The following PRKCB variants were observed in gnomAD, a reference collection of about 807,000 sequenced individuals.
PRKCB encodes the protein protein kinase C beta type.
A neutral mutation model predicts 81.5 loss-of-function variants in PRKCB; 13 were observed. The ratio of observed to expected loss-of-function variants is 0.16; its 90% CI spans 0.10 to 0.25. The LOEUF is 0.25. Among genes scored for constraint, PRKCB ranks in the 10% least tolerant of loss-of-function variants. PRKCB has a pLI of 1.00. For synonymous variants in PRKCB, 335 were observed against 321.4 expected (o/e 1.04, Z -0.45); for missense variants, 509 against 875.7 (o/e 0.58, Z 5.29).
At chr16:24,026,916 C>A (rs1169547794) in intron 3 of PRKCB, among the ~76,000 whole-genome samples, 1 of 152,240 alleles carries the variant, frequency 6.6e-6, no homozygotes, top group Non-Finnish European at 1.5e-5. Context: ...ATTAAATCAA[C>A]TCTGCCTCCT....
rs150863362 is a variant in PRKCB at position 23,870,903 on chromosome 16, C to T, written c.205+33497C>T. Among the ~76,000 whole-genome samples the T allele has an allele frequency of 1.2e-4, 19 of 152,290 alleles. No individual in the cohort carries two copies. In the East Asian group the frequency reaches 3.3e-3, roughly 26 times the overall value. Reference sequence around the variant, plus strand: ...GGTCAGCTAGCAGGTTATCTGGGGCCTGATTGGTCTAGGATGGCTTCACTT... The same window carrying T: ...GGTCAGCTAGCAGGTTATCTGGGGCTTGATTGGTCTAGGATGGCTTCACTT... On this transcript the variant is annotated intron_variant, in intron 2 of 16. Coordinates refer to ENST00000643927, the MANE Select transcript of PRKCB (RefSeq NM_002738.7).
intron 5 of PRKCB, among the ~76,000 whole-genome samples, chr16:24,047,305 G>A (rs749693842): frequency 6.6e-5 from 10 of 152,168 alleles, no homozygotes; most frequent in Non-Finnish European, 1.0e-4. Context: ...TTGTGCCACC[G>A]CACTCCAGCC....
chr16:24,016,682 GA>G (rs11339031), intron 3 of PRKCB, among the ~76,000 whole-genome samples: 8,146 of 152,108 alleles, frequency 0.054, 287 homozygotes, highest in African/African-American at 0.098. Flanking sequence ...GTTTATGGGG[GA>G]AAAAATCTTT....
chr16:24,143,977 TC>T (rs1470556835), intron 9 of PRKCB, among the ~76,000 whole-genome samples: 2 of 152,224 alleles, frequency 1.3e-5, no homozygotes, highest in African/African-American at 4.8e-5. Context: ...TGTTCAAACA[TC>T]CATGCAAAAC....
At chr16:24,100,335 G>A (rs190335515) in intron 7 of PRKCB, among the ~76,000 whole-genome samples, 8 of 152,216 alleles carry the variant, frequency 5.3e-5, no homozygotes, top group East Asian at 1.9e-4. Context: ...CTAAACCAGC[G>A]CCCACTGAAG....
intron 10 of PRKCB, among the ~76,000 whole-genome samples, chr16:24,156,099 T>G (rs1256845031): frequency 1.3e-5 from 2 of 152,230 alleles, no homozygotes; most frequent in East Asian, 3.8e-4. Context: ...CTATCATTTA[T>G]TTTTCATTTA....
chr16:23,945,917 TAC>T, intron 2 of PRKCB, among the ~76,000 whole-genome samples: 1 of 152,126 alleles, frequency 6.6e-6, no homozygotes, highest in African/African-American at 2.4e-5. Flanking sequence ...AAGCTGGCCC[TAC>T]CACACCACCA....
intron 2 of PRKCB, among the ~76,000 whole-genome samples, chr16:23,910,572 G>T (rs968888130): frequency 6.6e-6 from 1 of 152,082 alleles, no homozygotes; most frequent in Admixed American, 6.5e-5. Context: ...TTTTGTTCTC[G>T]TTGTGTTTTA....
chr16:24,198,503 G>A (rs1035636197), intron 16 of PRKCB, among the ~76,000 whole-genome samples: 3 of 152,138 alleles, frequency 2.0e-5, no homozygotes, highest in Non-Finnish European at 4.4e-5. Flanking sequence ...AGTCTTTTCT[G>A]CTTTTTATTT....
intron 2 of PRKCB, among the ~76,000 whole-genome samples, chr16:23,863,528 A>G (rs1433905814): frequency 6.6e-6 from 1 of 152,112 alleles, no homozygotes; most frequent in Non-Finnish European, 1.5e-5. Context: ...GCTTGGGGCC[A>G]AACTTAGGCT....
intron 2 of PRKCB, among the ~76,000 whole-genome samples, chr16:23,979,594 G>A (rs1203000732): frequency 6.6e-6 from 1 of 152,034 alleles, no homozygotes; most frequent in Non-Finnish European, 1.5e-5. Flanking sequence ...GGCATAAAAG[G>A]TGTTGCGAAG....
At chr16:23,842,558 T>G (rs1279307372) in intron 2 of PRKCB, among the ~76,000 whole-genome samples, 1 of 152,198 alleles carries the variant, frequency 6.6e-6, no homozygotes, top group African/African-American at 2.4e-5. Context: ...AACCCATGCC[T>G]GGTTAGCATT....
intron 8 of PRKCB, among the ~76,000 whole-genome samples, chr16:24,113,500 CCCTT>C (rs1966703411): frequency 6.9e-6 from 1 of 145,614 alleles, no homozygotes; most frequent in African/African-American, 2.6e-5. Flanking sequence ...TTCCTTTCCT[CCCTT>C]CCTTCTTTCC....
At chr16:24,003,653 A>G (rs548101043) in intron 3 of PRKCB, among the ~76,000 whole-genome samples, 34 of 152,218 alleles carry the variant, frequency 2.2e-4, no homozygotes, top group Non-Finnish European at 4.4e-4. Flanking sequence ...TCAAAGTGCT[A>G]GGATTACAGG....
At chr16:24,104,776 C>T (rs1966553779) in intron 7 of PRKCB, among the ~76,000 whole-genome samples, 1 of 152,154 alleles carries the variant, frequency 6.6e-6, no homozygotes, top group South Asian at 2.1e-4. Context: ...AAGGAGACTC[C>T]TGTAGCTGGA....
At chr16:24,190,068 T>C (rs766484114) in intron 15 of PRKCB, among the ~76,000 whole-genome samples, 6 of 152,210 alleles carry the variant, frequency 3.9e-5, no homozygotes, top group Non-Finnish European at 8.8e-5. Flanking sequence ...GGCGCATCTA[T>C]TCATCTTGTT....
intron 15 of PRKCB, among the ~76,000 whole-genome samples, chr16:24,186,755 C>G (rs926296858): frequency 2.0e-5 from 3 of 152,260 alleles, no homozygotes; most frequent in Non-Finnish European, 4.4e-5. Context: ...GGGCCAGCCT[C>G]TCAGCCTAAA....
At chr16:24,133,560 A>G (rs1303468403) in intron 9 of PRKCB, among the ~76,000 whole-genome samples, 1 of 151,554 alleles carries the variant, frequency 6.6e-6, no homozygotes, top group African/African-American at 2.4e-5. Flanking sequence ...TTCAACCTCC[A>G]TTTTCTTAAC....
chr16:23,905,551 GT>G (rs1385432145), intron 2 of PRKCB, among the ~76,000 whole-genome samples: 1 of 152,196 alleles, frequency 6.6e-6, no homozygotes, highest in East Asian at 1.9e-4. Context: ...ACTATTTGTT[GT>G]TTATGTGCTA....
Sources: allele counts gnomAD v4.1 joint callset (sites outside exome capture counted in the v4.1 genomes callset), GRCh38; gene constraint gnomAD v4.1.1; transcripts MANE v1.5; gene names NCBI Gene and HGNC (gene_info 2026-07-23, HGNC 2026-07-21).